Variants in TMC4 observed in about 807,000 individuals in gnomAD.
TMC4 encodes the protein transmembrane channel like 4.
Under a neutral mutation model 82.0 loss-of-function variants are expected in TMC4, and 70 were observed. That is an observed-to-expected ratio of 0.85 (90% CI 0.70 to 1.04). The LOEUF (loss-of-function observed/expected upper bound fraction) is 1.04, where lower values mean the gene tolerates loss of function less well. TMC4 is among the 50% of genes least tolerant of loss of function. The pLI, the probability that TMC4 is intolerant of heterozygous loss-of-function variation, is 0.00. For missense variants in TMC4, 879 were observed against 899.0 expected, an observed-to-expected ratio of 0.98 and a Z score of 0.28; for synonymous variants, 446 against 406.0, an observed-to-expected ratio of 1.10 and a Z score of -1.18.
At chr19:54,166,323 CAAAAAAAAAA>C (rs58329832) in intron 5 of TMC4, among the ~76,000 whole-genome samples, 4 of 108,026 alleles carry the variant, frequency 3.7e-5, no homozygotes, top group African/African-American at 3.5e-5. Context: ...AGGTCGCCTC[CAAAAAAAAAA>C]AAAAAAAAAA....
Position 54,163,104 on chromosome 19 carries a change from G to A in TMC4, c.1333C>T (p.Gln445Ter). Residue 445 changes from glutamine (Q) to a stop codon, truncating the protein, a stop_gained, in exon 9 of 15, where the codon CAG becomes TAG. Transcript: ENST00000619895. LOFTEE classifies it high-confidence loss of function. ...LVVLLFSLWN[Q>*]ITCGGDSEAE... ...TCGGAGTCGCCCCCACAAGTGATCTGATTCCAGAGAGAGAAGAGCAGGACC... is the reference window on the plus strand; with the variant it reads ...TCGGAGTCGCCCCCACAAGTGATCTAATTCCAGAGAGAGAAGAGCAGGACC... The A allele has an allele frequency of 6.2e-7, 1 of 1,613,886 alleles. No homozygotes were observed. The highest frequency in any genetic ancestry group is 8.5e-7 in the Non-Finnish European group (1 of 1,179,980).
In TMC4 at chr19:54,162,212, C is replaced by T. The variant is rs777466101; in HGVS notation, c.1576G>A (p.Val526Met). The stretch of plus-strand genomic sequence containing the variant: ...GTCTGCGCGTAGATGAGCCCCAGCA[C>T]CTCGTCGGGCACCTGGAACTCTTGG... ...GTQEFQVPDE[V>M]LGLIYAQTVV... Residue 526 changes from valine (V) to methionine (M), a missense_variant, in exon 11 of 15, where the codon GTG (valine) becomes ATG (methionine). Val to Met is a conservative substitution (Grantham distance 21, BLOSUM62 1). Transcript: ENST00000619895. 2.5e-6 allele frequency: 4 copies of T among 1,613,154 alleles called. No individual in the cohort carries two copies. The highest frequency in any genetic ancestry group is 3.4e-6 in the Non-Finnish European group (4 of 1,179,696).
Position 54,171,156 on chromosome 19 carries a change from C to CG in TMC4, c.293+713dup, listed in dbSNP as rs1167407553. ...TGGAGTCCCGCTCTATCACCCAGGC[C>CG]GGAGTCCAATGGCACGATCTTGGCT... is the stretch of plus-strand genomic sequence containing the variant. On this transcript the variant is annotated intron_variant, in intron 2 of 14. Coordinates refer to ENST00000619895, the MANE Select transcript of TMC4 (RefSeq NM_144686.4). Among the ~76,000 whole-genome samples, 4 of 43,326 alleles carry CG rather than the reference C, an allele frequency of 9.2e-5. No individual in the cohort carries two copies. In the East Asian group the frequency reaches 4.4e-3, roughly 47 times the overall value. 28.4% of individuals were successfully genotyped at this position (43,326 alleles called of 152,430 possible).
At position 54,169,376 on chromosome 19, in the gene TMC4, C is replaced by T. The variant is rs567628967; in HGVS notation, c.442+136G>A. On this transcript the variant is annotated intron_variant, in intron 3 of 14. Transcript: ENST00000619895. ...AGACCCAAGAGTCCAGACCCCCAGC[C>T]CCTCCTCCCTCAGACCCAAAAATCC... 3.1e-4 allele frequency: 366 copies of T among 1,180,450 alleles called. No homozygotes were observed. The African/African-American group carries it at 4.1e-3, about 13-fold the overall frequency. 73.1% of individuals were successfully genotyped at this position (1,180,450 alleles called of 1,614,324 possible). A position where few individuals can be genotyped will look rare whatever the true frequency, so the allele number is the denominator to read the frequency against.
intron 5 of TMC4, among the ~76,000 whole-genome samples, chr19:54,166,583 T>C (rs900622755): frequency 6.6e-6 from 1 of 152,198 alleles, no homozygotes; most frequent in Non-Finnish European, 1.5e-5. Context: ...CTTGAGCCAG[T>C]GGGACCTTCT....
At chr19:54,168,039 G>A in intron 5 of TMC4, 132 bp downstream of exon 5, 8 of 1,135,754 alleles carry the variant, frequency 7.0e-6, no homozygotes, top group Non-Finnish European at 3.7e-6. Context: ...CTCTAGCCTG[G>A]GCAATAAGAG....
chr19:54,163,977 C>CCTTT lies in TMC4; in HGVS notation c.1114-91_1114-90insAAAG, dbSNP rs1293150899. Reference sequence around the variant, plus strand: ...CCCCCGGCCTCTTCTTCTTCTTCTTCTTTTTTTTTTTTTTTGAGACAGAGT... The same window carrying CCTTT: ...CCCCCGGCCTCTTCTTCTTCTTCTTCCTTTTTTTTTTTTTTTTTTGAGACAGAGT... On this transcript the variant is annotated intron_variant, in intron 7 of 14. Transcript: ENST00000619895. 1.9e-4 allele frequency: 192 copies of CCTTT among 1,020,136 alleles called. No individual in the cohort carries two copies. The African/African-American group carries it at 3.4e-3, about 18-fold the overall frequency. 63.2% of individuals were successfully genotyped at this position (1,020,136 alleles called of 1,614,324 possible). A position where few individuals can be genotyped will look rare whatever the true frequency, so the allele number is the denominator to read the frequency against.
At position 54,160,117 on chromosome 19, in the gene TMC4, T is replaced by G. The variant is rs890082212; in HGVS notation, c.*189A>C. ...AGATTTCAAAGCGCGCTCAGCAACC[T>G]CGGCTGTATTTATTGATACAAGGAA... is the stretch of plus-strand genomic sequence containing the variant. On this transcript the variant is annotated 3_prime_UTR_variant, in exon 15 of 15. Transcript: ENST00000619895. 197 of 596,458 alleles carry G rather than the reference T, an allele frequency of 3.3e-4. 1 individual carries two copies. Among genetic ancestry groups the G allele is most frequent in the Admixed American group, 2.9e-4 (8 of 27,172 alleles). The allele number at this position is 596,458 out of a possible 1,614,324, so 36.9% of individuals were successfully genotyped here. A position where few individuals can be genotyped will look rare whatever the true frequency, so the allele number is the denominator to read the frequency against.
Position 54,160,949 on chromosome 19 carries a change from A to C in TMC4, c.1902T>G (p.Pro634=), listed in dbSNP as rs1387314213. ...AGAAGAGGAAATTCTGGGTGGTCTCAGGGAGGCTGGAAATAGACTCAGGGA... is the reference window on the plus strand; with the variant it reads ...AGAAGAGGAAATTCTGGGTGGTCTCCGGGAGGCTGGAAATAGACTCAGGGA... ...AQIPESISSL[P]ETTQNFLFFL... is the part of the protein sequence containing the mutation. Residue 634 remains proline (P), a synonymous_variant, in exon 13 of 15, where the codon CCT becomes CCG. Coordinates refer to ENST00000619895, the MANE Select transcript of TMC4 (RefSeq NM_144686.4). The C allele has an allele frequency of 6.8e-6, 11 of 1,614,046 alleles. No homozygotes were observed. Among genetic ancestry groups the C allele is most frequent in the Non-Finnish European group, 8.5e-6 (10 of 1,180,032 alleles).
At position 54,161,122 on chromosome 19, in the gene TMC4, G is replaced by A. The variant is rs760628926; in HGVS notation, c.1817+8C>T. 2.8e-5 allele frequency: 44 copies of A among 1,583,606 alleles called. No individual in the cohort carries two copies. Among genetic ancestry groups the A allele is most frequent in the East Asian group, 2.3e-4 (10 of 44,356 alleles). Reference sequence around the variant, plus strand: ...GGAGGGAGAGAGGCGGGAGCCTCTCGCACTTACAGGAAGATGCTGTAAAGC... The same window carrying A: ...GGAGGGAGAGAGGCGGGAGCCTCTCACACTTACAGGAAGATGCTGTAAAGC... On this transcript the variant is annotated splice_region_variant and intron_variant, in intron 12 of 14. Transcript: ENST00000619895.
At position 54,161,315 on chromosome 19, in the gene TMC4, CATT is replaced by C. The variant is rs2075546681; in HGVS notation, c.1687-58_1687-56del. 49 of 1,103,880 alleles carry C rather than the reference CATT, an allele frequency of 4.4e-5. No homozygotes were observed. In the African/African-American group the frequency reaches 7.1e-4, roughly 16 times the overall value. 68.4% of individuals were successfully genotyped at this position (1,103,880 alleles called of 1,614,324 possible). On this transcript the variant is annotated intron_variant, in intron 11 of 14. Coordinates refer to ENST00000619895, the MANE Select transcript of TMC4 (RefSeq NM_144686.4). ...TCTGAAACACAAGAGTCTGTGCCTC[CATT>C]TTTTTTTTTTTTTTTTTTTGAGACA...
chr19:54,165,452 C>T lies in TMC4; in HGVS notation c.912G>A (p.Arg304=). The T allele has an allele frequency of 6.2e-7, 1 of 1,610,248 alleles. No individual in the cohort carries two copies. Among genetic ancestry groups the T allele is most frequent in the South Asian group, 1.1e-5 (1 of 90,976 alleles). ...CGTACAAGATGATGCGCTGGCGCAG[C>T]CGCACGTGGACGTCCCCGCAGAGAC... ...DFGLCGDVHV[R]LRQRIILYEL... The change falls in exon 6 of 15, where the codon CGG becomes CGA. Residue 304 remains arginine (R), a synonymous_variant. Coordinates refer to ENST00000619895, the MANE Select transcript of TMC4 (RefSeq NM_144686.4).
In TMC4 at chr19:54,165,431, C is replaced by G. The variant is rs566015323; in HGVS notation, c.933G>C (p.Leu311Phe). Residue 311 changes from leucine to phenylalanine, a missense_variant, in exon 6 of 15, where the codon TTG becomes TTC. Coordinates refer to ENST00000619895, the MANE Select transcript of TMC4 (RefSeq NM_144686.4). ...TCCCTAATCGCACCTTTAATTCGTA[C>G]AAGATGATGCGCTGGCGCAGCCGCA... ...VHVRLRQRIILYELKVELEET... is the reference protein window; with the variant it reads ...VHVRLRQRIIFYELKVELEET... The G allele has an allele frequency of 2.5e-6, 4 of 1,607,350 alleles. No homozygotes were observed. The highest frequency in any genetic ancestry group is 2.7e-5 in the African/African-American group (2 of 74,836).
rs372794377 is a variant in TMC4 at position 54,169,718 on chromosome 19, T to C, written c.294-58A>G. On this transcript the variant is annotated intron_variant, in intron 2 of 14. Coordinates refer to ENST00000619895, the MANE Select transcript of TMC4 (RefSeq NM_144686.4). ...TCGCAGCCCCAGACTGGGAACCATC[T>C]GAATGTAGACACAATCCAACAGTAG... 1.8e-4 allele frequency: 293 copies of C among 1,597,138 alleles called. 1 individual carries two copies. The African/African-American group carries it at 3.5e-3, about 19-fold the overall frequency.
At chr19:54,165,289 T>C in intron 6 of TMC4, 130 bp downstream of exon 6, 1 of 1,106,688 alleles carries the variant, frequency 9.0e-7, no homozygotes, top group Non-Finnish European at 1.2e-6. Flanking sequence ...CCCCAGGACC[T>C]GCCTTTCTTG....
chr19:54,165,307 A>G, intron 6 of TMC4, 112 bp downstream of exon 6: 1 of 1,219,086 alleles, frequency 8.2e-7, no homozygotes, highest in Non-Finnish European at 1.1e-6. Flanking sequence ...TTGGAGAAGG[A>G]GCTGCTTAGC....
intron 6 of TMC4, 102 bp downstream of exon 6, chr19:54,165,317 C>A (rs2075674486): frequency 1.5e-6 from 2 of 1,296,072 alleles, no homozygotes; most frequent in South Asian, 3.3e-5. Context: ...AGCTGCTTAG[C>A]ATCTCTCCGG....
rs934690350 is a variant in TMC4, at chr19:54,171,911, G to C, written c.252C>G (p.Ser84=). The C allele has an allele frequency of 3.7e-6, 6 of 1,612,830 alleles. No homozygotes were observed. In the African/African-American group the frequency reaches 4.0e-5, roughly 11 times the overall value. Residue 84 remains serine, a synonymous_variant, in exon 2 of 15, where the codon TCC becomes TCG. Transcript: ENST00000619895. ...CCTGCATGGGCCAGGGCAGTTCCCG[G>C]GAAGGGTGAGGGTCCTGCAGCTCTG... ...TQTELQDPHP[S]RELPWPMQAR... is the part of the protein sequence containing the mutation.
chr19:54,171,157 G>A (rs932008637), intron 2 of TMC4, among the ~76,000 whole-genome samples: 20 of 44,192 alleles, frequency 4.5e-4, no homozygotes, highest in Non-Finnish European at 8.9e-4. Flanking sequence ...CACCCAGGCC[G>A]GAGTCCAATG....
Sources: gnomAD v4.1 joint callset for allele counts (sites outside exome capture counted in the v4.1 genomes callset) on GRCh38, gnomAD v4.1.1 for gene constraint, MANE v1.5 for transcripts, NCBI Gene and HGNC (gene_info 2026-07-23, HGNC 2026-07-21) for gene names.